TENT5D: variants seen among roughly 807,000 people sequenced by gnomAD.
TENT5D encodes the protein terminal nucleotidyltransferase 5D.
For missense variants in TENT5D, 191 were observed against 287.0 expected (o/e 0.67, Z 2.42); for synonymous variants, 103 against 100.6 (o/e 1.02, Z -0.15).
chrX:80,349,433 A>G (rs1326272379), intron 3 of TENT5D, among the ~76,000 whole-genome samples: 1 of 111,685 alleles, frequency 9.0e-6, no homozygotes, highest in Non-Finnish European at 1.9e-5. Flanking sequence ...TAGATTTTCT[A>G]GTTTATTTGC....
chrX:80,380,638 G>A (rs781017223), intron 3 of TENT5D, among the ~76,000 whole-genome samples: 3 of 111,355 alleles, frequency 2.7e-5, no homozygotes, highest in Admixed American at 9.5e-5. Flanking sequence ...TGAATTGGGT[G>A]CTCCTGTATT....
chrX:80,398,975 C>T (rs756028790), intron 3 of TENT5D, among the ~76,000 whole-genome samples: 1 of 112,043 alleles, frequency 8.9e-6, no homozygotes, highest in African/African-American at 3.2e-5. Context: ...TGTTTTCATT[C>T]TATAGTGTTA....
intron 3 of TENT5D, among the ~76,000 whole-genome samples, chrX:80,391,343 A>G (rs1403546908): frequency 8.9e-6 from 1 of 112,059 alleles, no homozygotes; most frequent in Non-Finnish European, 1.9e-5. Flanking sequence ...TTTAACTAAA[A>G]TGTATTTGTG....
chrX:80,353,519 G>C (rs767718985), intron 3 of TENT5D, among the ~76,000 whole-genome samples: 1 of 111,534 alleles, frequency 9.0e-6, no homozygotes, highest in Non-Finnish European at 1.9e-5. Context: ...TTATAAGTGA[G>C]AGCATGTGGT....
chrX:80,390,270 T>C (rs1356048597), intron 3 of TENT5D, among the ~76,000 whole-genome samples: 1 of 111,216 alleles, frequency 9.0e-6, no homozygotes. Context: ...GGTATAATAA[T>C]TGTCTAGGAA....
intron 3 of TENT5D, among the ~76,000 whole-genome samples, chrX:80,397,958 A>T (rs1931316490): frequency 9.2e-6 from 1 of 109,047 alleles, no homozygotes; most frequent in Admixed American, 9.6e-5. Context: ...AGGGCGAGGG[A>T]GGGAGAGGGA....
chrX:80,378,899 C>T (rs1303305021), intron 3 of TENT5D, among the ~76,000 whole-genome samples: 1 of 109,784 alleles, frequency 9.1e-6, no homozygotes, highest in Admixed American at 9.7e-5. Context: ...ACTTCCAACA[C>T]TATGTTGAAT....
At chrX:80,359,389 T>A (rs1930359313) in intron 3 of TENT5D, among the ~76,000 whole-genome samples, 1 of 112,020 alleles carries the variant, frequency 8.9e-6, no homozygotes, top group African/African-American at 3.2e-5. Flanking sequence ...AGTAAAGACT[T>A]GGAACCGACC....
intron 3 of TENT5D, among the ~76,000 whole-genome samples, chrX:80,349,121 TTTG>T (rs1930123183): frequency 8.9e-6 from 1 of 112,001 alleles, no homozygotes; most frequent in African/African-American, 3.2e-5. Flanking sequence ...TTGAAATTTT[TTTG>T]TTGTTTTGTC....
At chrX:80,435,176 G>A (rs1342552489) in intron 1 of TENT5D, among the ~76,000 whole-genome samples, 2 of 111,736 alleles carry the variant, frequency 1.8e-5, no homozygotes, top group Non-Finnish European at 3.8e-5. Flanking sequence ...ATTTTGTGAT[G>A]TAAGTATTGT....
chrX:80,370,090 GTTTT>G (rs1292867034), intron 3 of TENT5D, among the ~76,000 whole-genome samples: 1 of 104,799 alleles, frequency 9.5e-6, no homozygotes, highest in African/African-American at 3.5e-5. Context: ...ACCCAACTAT[GTTTT>G]TTTTTTAATT....
chrX:80,421,686 C>G (rs1173295102), intron 1 of TENT5D, among the ~76,000 whole-genome samples: 1 of 111,930 alleles, frequency 8.9e-6, no homozygotes, highest in Non-Finnish European at 1.9e-5. Context: ...ATCATTCACC[C>G]TTTTTCTCCT....
chrX:80,384,290 A>G, intron 3 of TENT5D, among the ~76,000 whole-genome samples: 1 of 94,870 alleles, frequency 1.1e-5, no homozygotes. Flanking sequence ...CAATAAACAT[A>G]ATCCAGCATA....
At chrX:80,344,157 C>G (rs1239937518) in intron 3 of TENT5D, among the ~76,000 whole-genome samples, 1 of 110,392 alleles carries the variant, frequency 9.1e-6, no homozygotes, top group East Asian at 2.8e-4. Flanking sequence ...GTGTAACATT[C>G]CATGGTGTAT....
At chrX:80,383,694 A>T (rs1351935279) in intron 3 of TENT5D, among the ~76,000 whole-genome samples, 2 of 110,956 alleles carry the variant, frequency 1.8e-5, no homozygotes, top group Non-Finnish European at 3.8e-5. Flanking sequence ...GTCTCTACCA[A>T]AAACACAAAA....
intron 3 of TENT5D, among the ~76,000 whole-genome samples, chrX:80,394,282 T>A (rs1167907486): frequency 9.0e-6 from 1 of 111,395 alleles, no homozygotes; most frequent in Non-Finnish European, 1.9e-5. Context: ...CATTTTGCTT[T>A]TGATTTTCAT....
intron 1 of TENT5D, among the ~76,000 whole-genome samples, chrX:80,420,991 G>A (rs1454694773): frequency 8.9e-6 from 1 of 111,955 alleles, no homozygotes; most frequent in Non-Finnish European, 1.9e-5. Flanking sequence ...CTGAAGTGAA[G>A]TATTAAAAGA....
intron 3 of TENT5D, among the ~76,000 whole-genome samples, chrX:80,405,395 A>G (rs1388242556): frequency 1.8e-5 from 2 of 112,203 alleles, no homozygotes; most frequent in African/African-American, 3.2e-5. Flanking sequence ...CAGTGGGTGC[A>G]CGCACCGTGC....
intron 3 of TENT5D, among the ~76,000 whole-genome samples, chrX:80,352,879 A>G (rs1930214113): frequency 3.6e-5 from 4 of 111,112 alleles, no homozygotes; most frequent in Admixed American, 2.9e-4. Flanking sequence ...AAAGTGTAGT[A>G]TCTGGGCCGG....
Sources: allele counts gnomAD v4.1 joint callset (sites outside exome capture counted in the v4.1 genomes callset), GRCh38; gene constraint gnomAD v4.1.1; transcripts MANE v1.5; gene names NCBI Gene and HGNC (gene_info 2026-07-23, HGNC 2026-07-21).